USP14: variants seen among roughly 807,000 people sequenced by gnomAD.
USP14 encodes the protein ubiquitin carboxyl-terminal hydrolase 14.
Under a neutral mutation model 76.5 loss-of-function variants are expected in USP14, and 38 were observed. The observed-to-expected ratio is 0.50, with a 90% CI of 0.38 to 0.65. The LOEUF is 0.65. Ranked by LOEUF, USP14 falls within the 30% of genes least tolerant of loss-of-function variation. The probability of loss-of-function intolerance (pLI) is 0.00; values close to 1 mark genes in which losing one functional copy is unlikely to be tolerated. For missense variants in USP14, 467 were observed against 586.5 expected (o/e 0.80, Z 2.10); for synonymous variants, 192 against 191.7 (o/e 1.00, Z -0.01).
chr18:174,686 C>T (rs986220850), intron 3 of USP14, among the ~76,000 whole-genome samples: 8 of 151,530 alleles, frequency 5.3e-5, no homozygotes, highest in Admixed American at 2.6e-4. Flanking sequence ...CTCGCTGCAG[C>T]CTTGAATTCT....
intron 2 of USP14, among the ~76,000 whole-genome samples, chr18:163,665 A>G (rs1393878263): frequency 6.6e-6 from 1 of 152,164 alleles, no homozygotes; most frequent in Middle Eastern, 3.2e-3. Context: ...TATTATAAAA[A>G]CATCGTTTTA....
intron 2 of USP14, among the ~76,000 whole-genome samples, chr18:163,822 T>G (rs1466580765): frequency 6.6e-6 from 1 of 152,014 alleles, no homozygotes; most frequent in Non-Finnish European, 1.5e-5. Flanking sequence ...AGGTAGTTTT[T>G]TTTTTTTTTT....
At position 197,512 on chromosome 18, in the gene USP14, A is replaced by G. The variant is rs111903285; in HGVS notation, c.595-104A>G. On this transcript the variant is annotated intron_variant, in intron 7 of 15. Transcript: ENST00000261601. Reference sequence around the variant, plus strand: ...GTCTTATTTGGCTTAATATTTTTAAAGAAGGAAACCACTTTCTTGCCTAGG... The same window carrying G: ...GTCTTATTTGGCTTAATATTTTTAAGGAAGGAAACCACTTTCTTGCCTAGG... The G allele has an allele frequency of 2.4e-5, 20 of 844,384 alleles. No homozygotes were observed. In the African/African-American group the frequency reaches 2.6e-4, roughly 11 times the overall value. The allele number at this position is 844,384 out of a possible 1,614,324, so 52.3% of individuals were successfully genotyped here. A position where few individuals can be genotyped will look rare whatever the true frequency, so the allele number is the denominator to read the frequency against.
chr18:199,615 G>A (rs1910333356), intron 10 of USP14, among the ~76,000 whole-genome samples: 1 of 152,168 alleles, frequency 6.6e-6, no homozygotes, highest in African/African-American at 2.4e-5. Context: ...ACAGGGCTGA[G>A]TGCTGTCTAG....
intron 5 of USP14, among the ~76,000 whole-genome samples, chr18:190,735 T>C (rs374967434): frequency 1.3e-5 from 2 of 152,162 alleles, no homozygotes; most frequent in African/African-American, 4.8e-5. Flanking sequence ...ATATCATTAC[T>C]TTTTATTTAT....
At chr18:190,152 G>A (rs962520426) in intron 5 of USP14, among the ~76,000 whole-genome samples, 2 of 152,038 alleles carry the variant, frequency 1.3e-5, no homozygotes, top group Non-Finnish European at 2.9e-5. Flanking sequence ...ATAGTATTCC[G>A]TTGTGTCCTG....
intron 10 of USP14, among the ~76,000 whole-genome samples, chr18:201,522 T>A (rs774674160): frequency 2.6e-5 from 4 of 152,232 alleles, no homozygotes; most frequent in Non-Finnish European, 5.9e-5. Flanking sequence ...CTCTGTCTTA[T>A]GATACCGAGG....
At chr18:171,025 A>AAAAAAAATATATATATAT (rs1327304974) in intron 3 of USP14, among the ~76,000 whole-genome samples, 3 of 47,684 alleles carry the variant, frequency 6.3e-5, no homozygotes, top group African/African-American at 2.6e-4. Context: ...AAAAAAAAAA[A>AAAAAAAATATATATATAT]ATATATATAT....
chr18:163,043 T>C, intron 1 of USP14: 1 of 248,960 alleles, frequency 4.0e-6, no homozygotes, highest in Non-Finnish European at 7.7e-6. Context: ...CCCAAAGTAC[T>C]GGGATTACAG....
intron 10 of USP14, among the ~76,000 whole-genome samples, chr18:201,833 T>C (rs1910391845): frequency 6.6e-6 from 1 of 152,214 alleles, no homozygotes; most frequent in Non-Finnish European, 1.5e-5. Flanking sequence ...TCACCAGATA[T>C]ACTTTCTTGA....
rs1294597833 is a variant in USP14, at chr18:167,281, CAA to C, written c.195+468_195+469del. Among the ~76,000 whole-genome samples, 7 of 151,742 alleles carry C rather than the reference CAA, an allele frequency of 4.6e-5. No individual in the cohort carries two copies. The South Asian group carries it at 8.3e-4, about 18-fold the overall frequency. ...TGGCAACAGAGCGAGACTCCGTCTCCAAAAAAAGAGTCTTGAAATAAGATAGT... is the reference window on the plus strand; with the variant it reads ...TGGCAACAGAGCGAGACTCCGTCTCCAAAAAGAGTCTTGAAATAAGATAGT... On this transcript the variant is annotated intron_variant, in intron 3 of 15. Transcript: ENST00000261601.
chr18:204,353 T>C (rs1306869003), intron 12 of USP14, among the ~76,000 whole-genome samples: 7 of 152,188 alleles, frequency 4.6e-5, no homozygotes, highest in Non-Finnish European at 1.5e-5. Context: ...AAACATGTTT[T>C]AGAAATTTCT....
rs144756995 is a variant in USP14, at chr18:189,434, G to A, written c.405-3408G>A. Among the ~76,000 whole-genome samples the A allele has an allele frequency of 5.0e-3, 758 of 151,966 alleles. 4 individuals carry two copies. Among genetic ancestry groups the A allele is most frequent in the African/African-American group, 0.017 (704 of 41,500 alleles). On this transcript the variant is annotated intron_variant, in intron 5 of 15. Transcript: ENST00000261601. ...TGAGGCTGTTCAAATGTTGACAAAAGCCACTAGAAAGTCTCTTATCTTTTC... is the reference window on the plus strand; with the variant it reads ...TGAGGCTGTTCAAATGTTGACAAAAACCACTAGAAAGTCTCTTATCTTTTC...
chr18:183,419 CTT>C (rs1567830189), intron 5 of USP14, among the ~76,000 whole-genome samples: 1 of 151,564 alleles, frequency 6.6e-6, no homozygotes, highest in Non-Finnish European at 1.5e-5. Flanking sequence ...TCTGAGGACT[CTT>C]GTCGCAAACT....
At chr18:209,941 A>C in intron 13 of USP14, 30 bp from the exon 14 acceptor site, 1 of 1,530,384 alleles carries the variant, frequency 6.5e-7, no homozygotes, top group Non-Finnish European at 8.9e-7. Context: ...CAAAATCATG[A>C]TTTAAAATTA....
At chr18:190,621 A>T (rs968191086) in intron 5 of USP14, among the ~76,000 whole-genome samples, 8 of 152,296 alleles carry the variant, frequency 5.3e-5, no homozygotes, top group Non-Finnish European at 1.2e-4. Context: ...GATCTGATGT[A>T]TGATTGAATA....
chr18:184,504 A>G (rs1342555280), intron 5 of USP14, among the ~76,000 whole-genome samples: 1 of 152,186 alleles, frequency 6.6e-6, no homozygotes, highest in African/African-American at 2.4e-5. Flanking sequence ...CTGTAATCCC[A>G]GTACTTTGGG....
chr18:188,527 C>CTTTTTTTTTTTTTTTTT (rs1909996999), intron 5 of USP14, among the ~76,000 whole-genome samples: 1 of 93,064 alleles, frequency 1.1e-5, no homozygotes, highest in Non-Finnish European at 2.2e-5. Context: ...TTTTTTTTTC[C>CTTTTTTTTTTTTTTTTT]TTTGTGAGGG....
chr18:163,483 T>C, intron 2 of USP14, 30 bp downstream of exon 2: 1 of 1,589,452 alleles, frequency 6.3e-7, no homozygotes, highest in Non-Finnish European at 8.6e-7. Flanking sequence ...TTCATCACAT[T>C]ACTATTATTG....
Sources: allele counts gnomAD v4.1 joint callset (sites outside exome capture counted in the v4.1 genomes callset), GRCh38; gene constraint gnomAD v4.1.1; transcripts MANE v1.5; gene names NCBI Gene and HGNC (gene_info 2026-07-23, HGNC 2026-07-21).